The following PRH1 variants were observed in gnomAD, a reference collection of about 807,000 sequenced individuals.
The protein encoded by PRH1 is proline rich protein HaeIII subfamily 1.
PRH1 carries 7 observed loss-of-function variants against 7.9 expected under a neutral mutation model. That is an observed-to-expected ratio of 0.89 (90% CI 0.50 to 1.67). The LOEUF (loss-of-function observed/expected upper bound fraction) is 1.67. PRH1 is among the 40% of genes most tolerant of loss of function. The probability of loss-of-function intolerance (pLI) is 0.00; values close to 1 mark genes in which losing one functional copy is unlikely to be tolerated. For missense variants in PRH1, 109 were observed against 223.6 expected, an observed-to-expected ratio of 0.49 and a Z score of 3.27; for synonymous variants, 45 against 80.8, an observed-to-expected ratio of 0.56 and a Z score of 2.38.
At chr12:11,046,672 T>A (rs34855658) in intron 1 of PRH1, among the ~76,000 whole-genome samples, 33,977 of 152,102 alleles carry the variant, frequency 0.22, 3,844 homozygotes, top group Non-Finnish European at 0.24. Context: ...GCTGTTTTTT[T>A]AAATATTTTA....
intron 1 of PRH1, among the ~76,000 whole-genome samples, chr12:11,079,586 C>A (rs75759335): frequency 0.051 from 3,470 of 68,238 alleles, 51 homozygotes; most frequent in Non-Finnish European, 0.071. Context: ...GCAGAAAAAC[C>A]TAAGTGATAA....
rs1369966852 is a variant in PRH1 at position 11,090,904 on chromosome 12, G to C, written n.124-43716C>G. Among the ~76,000 whole-genome samples the C allele has an allele frequency of 6.6e-5, 6 of 90,654 alleles. 2 individuals are homozygous for C. Among genetic ancestry groups the C allele is most frequent in the Non-Finnish European group, 1.6e-4 (6 of 37,198 alleles). 59.5% of individuals were successfully genotyped at this position (90,654 alleles called of 152,430 possible). A position where few individuals can be genotyped will look rare whatever the true frequency, so the allele number is the denominator to read the frequency against. On this transcript the variant is annotated intron_variant and non_coding_transcript_variant, in intron 1 of 4. Coordinates refer to the PRH1 transcript ENST00000541977. ...ATAGAAAAGAGCAATATTTTTCCGG[G>C]GATAAGCTCTTACTTCTTAATAATT...
chr12:11,006,949 G>C (rs559970923), intron 1 of PRH1, among the ~76,000 whole-genome samples: 1 of 152,144 alleles, frequency 6.6e-6, no homozygotes, highest in African/African-American at 2.4e-5. Context: ...CCGTTTGCTA[G>C]TATGCAAAAA....
intron 1 of PRH1, among the ~76,000 whole-genome samples, chr12:10,999,430 C>G (rs11054144): frequency 7.9e-5 from 12 of 151,880 alleles, no homozygotes; most frequent in African/African-American, 2.9e-4. Flanking sequence ...TAAGAATGTA[C>G]GTAAATGGTG....
intron 1 of PRH1, among the ~76,000 whole-genome samples, chr12:11,083,369 T>TG: frequency 8.4e-6 from 1 of 118,652 alleles, no homozygotes; most frequent in Non-Finnish European, 2.0e-5. Context: ...AAGTTTAAAA[T>TG]TTTTCTTGGA....
chr12:11,051,662 A>G (rs556605212), upstream of PRH1, among the ~76,000 whole-genome samples: 1 of 152,162 alleles, frequency 6.6e-6, no homozygotes, highest in Non-Finnish European at 1.5e-5. Flanking sequence ...ATTTTTCTTT[A>G]TACTTTACCA....
intron 2 of PRH1, among the ~76,000 whole-genome samples, chr12:10,924,621 C>T (rs1002054226): frequency 6.6e-6 from 1 of 152,168 alleles, no homozygotes; most frequent in African/African-American, 2.4e-5. Flanking sequence ...GCTGTGATTC[C>T]GTCTGGTCCT....
chr12:10,940,904 A>G (rs2065913630), intron 2 of PRH1, among the ~76,000 whole-genome samples: 2 of 152,208 alleles, frequency 1.3e-5, no homozygotes, highest in African/African-American at 2.4e-5. Context: ...AAGCAAAAAT[A>G]AAATAAAATA....
intron 2 of PRH1, among the ~76,000 whole-genome samples, chr12:10,942,007 C>T (rs1950408955): frequency 1.3e-5 from 2 of 152,088 alleles, no homozygotes; most frequent in South Asian, 4.1e-4. Flanking sequence ...GATCTAGTCA[C>T]CAAGAAAGTC....
At chr12:11,155,023 T>C (rs911987594) in intron 1 of PRH1, among the ~76,000 whole-genome samples, 6 of 152,230 alleles carry the variant, frequency 3.9e-5, no homozygotes, top group African/African-American at 4.8e-5. Context: ...TTCTGCTTAA[T>C]TGTAGAGTTT....
Position 10,980,471 on chromosome 12 carries a change from C to A in PRH1, c.-125-6750G>T, listed in dbSNP as rs974993653. ...AAAACATTATTGATCCTCCCACATTCTCCCTAGATTTTTGGTCATGTTACT... is the reference window on the plus strand; with the variant it reads ...AAAACATTATTGATCCTCCCACATTATCCCTAGATTTTTGGTCATGTTACT... On this transcript the variant is annotated intron_variant, in intron 1 of 3. Transcript: ENST00000539853. Among the ~76,000 whole-genome samples, 5 of 152,188 alleles carry A rather than the reference C, an allele frequency of 3.3e-5. No homozygotes were observed. The South Asian group carries it at 1.0e-3, about 32-fold the overall frequency.
At chr12:11,084,431 T>C (rs1183693213) in intron 1 of PRH1, among the ~76,000 whole-genome samples, 1 of 150,348 alleles carries the variant, frequency 6.7e-6, no homozygotes, top group African/African-American at 2.4e-5. Context: ...CTCAGTGATA[T>C]GCATGTGTGT....
At chr12:10,896,864 C>T (rs1397308858) in intron 2 of PRH1, 1 of 151,904 alleles carries the variant, frequency 6.6e-6, no homozygotes, top group Non-Finnish European at 1.5e-5. Flanking sequence ...GTACTCTGTC[C>T]TTAAATCTAG....
At chr12:11,149,455 T>G (rs1262247326) in intron 1 of PRH1, among the ~76,000 whole-genome samples, 1 of 151,920 alleles carries the variant, frequency 6.6e-6, no homozygotes, top group African/African-American at 2.4e-5. Context: ...AGCATGGTAC[T>G]GGTACCAAAA....
chr12:11,125,233 T>C (rs1241616996), intron 1 of PRH1, among the ~76,000 whole-genome samples: 1 of 152,306 alleles, frequency 6.6e-6, no homozygotes, highest in Non-Finnish European at 1.5e-5. Flanking sequence ...ACATTTCCAA[T>C]GATTTACTTG....
intron 2 of PRH1, among the ~76,000 whole-genome samples, chr12:10,926,138 T>G (rs1950119510): frequency 6.6e-6 from 1 of 152,108 alleles, no homozygotes; most frequent in South Asian, 2.1e-4. Flanking sequence ...GAAACCAAAG[T>G]TTTTAGACAA....
At chr12:10,886,594 GC>G (rs1949495780), upstream of PRH1, among the ~76,000 whole-genome samples, 1 of 152,200 alleles carries the variant, frequency 6.6e-6, no homozygotes, top group Non-Finnish European at 1.5e-5. Context: ...CAGGACTGCT[GC>G]AGGAGCTTGG....
chr12:11,129,299 T>C (rs1946250857), intron 1 of PRH1, among the ~76,000 whole-genome samples: 1 of 152,294 alleles, frequency 6.6e-6, no homozygotes, highest in African/African-American at 2.4e-5. Flanking sequence ...TTTGTAGTTA[T>C]TACCTCTTCC....
At chr12:11,135,971 CA>C in intron 1 of PRH1, among the ~76,000 whole-genome samples, 1 of 152,054 alleles carries the variant, frequency 6.6e-6, no homozygotes, top group Non-Finnish European at 1.5e-5. Context: ...TGAACCAAAA[CA>C]AAAATGGGAA....
Sources: gnomAD v4.1 joint callset for allele counts (sites outside exome capture counted in the v4.1 genomes callset) on GRCh38, gnomAD v4.1.1 for gene constraint, MANE v1.5 for transcripts, NCBI Gene and HGNC (gene_info 2026-07-23, HGNC 2026-07-21) for gene names.